The following MYO16 variants were observed in gnomAD, a reference collection of about 807,000 sequenced individuals.
MYO16 encodes the protein myosin XVI.
Under a neutral mutation model 205.3 loss-of-function variants are expected in MYO16, and 94 were observed. The observed-to-expected ratio is 0.46, with a 90% confidence interval of 0.39 to 0.54. The LOEUF (loss-of-function observed/expected upper bound fraction) is 0.54, where lower values mean the gene tolerates loss of function less well. MYO16 is among the 20% of genes least tolerant of loss of function. MYO16 has a pLI of 0.00. For missense variants in MYO16, 2,315 were observed against 2,387.5 expected (o/e 0.97, Z 0.63); for synonymous variants, 988 against 954.0 (o/e 1.04, Z -0.66).
chr13:108,523,898 G>C, the MYO16 span, among the ~76,000 whole-genome samples: 1 of 152,240 alleles, frequency 6.6e-6, no homozygotes, highest in Non-Finnish European at 1.5e-5. Flanking sequence ...CCTGTTGGGA[G>C]GTAGATTGGA....
At chr13:108,782,801 G>A (rs965799956) in intron 4 of MYO16, among the ~76,000 whole-genome samples, 3 of 152,206 alleles carry the variant, frequency 2.0e-5, no homozygotes, top group Non-Finnish European at 2.9e-5. Flanking sequence ...TTCAGAGGGT[G>A]GAAGCCCCAA....
At chr13:109,063,887 C>T (rs1887663807) in intron 27 of MYO16, among the ~76,000 whole-genome samples, 1 of 152,066 alleles carries the variant, frequency 6.6e-6, no homozygotes, top group Non-Finnish European at 1.5e-5. Context: ...ACCTTGTTTC[C>T]TTCACTGCTA....
At chr13:108,979,949 G>A (rs115304038) in intron 20 of MYO16, among the ~76,000 whole-genome samples, 1,932 of 152,016 alleles carry the variant, frequency 0.013, 33 homozygotes, top group African/African-American at 0.044. Flanking sequence ...ACAAAATAGT[G>A]GTTAAATTTA....
chr13:108,531,071 G>A, the MYO16 span, among the ~76,000 whole-genome samples: 1 of 152,144 alleles, frequency 6.6e-6, no homozygotes, highest in East Asian at 1.9e-4. Context: ...AGAGAGAATA[G>A]CATTTGTGCA....
intron 28 of MYO16, among the ~76,000 whole-genome samples, chr13:109,120,080 T>C (rs978954432): frequency 2.0e-5 from 3 of 152,226 alleles, no homozygotes. Context: ...ATCTTCTGAC[T>C]GATAGTCAAG....
chr13:108,898,220 G>A, intron 15 of MYO16, 87 bp downstream of exon 15: 3 of 956,828 alleles, frequency 3.1e-6, no homozygotes, highest in African/African-American at 1.6e-5. Context: ...GACACACTGT[G>A]TATGAATCAA....
chr13:108,604,123 C>T (rs2139304639), intron 1 of MYO16, among the ~76,000 whole-genome samples: 1 of 152,230 alleles, frequency 6.6e-6, no homozygotes, highest in South Asian at 2.1e-4. Context: ...AGAACTCACT[C>T]ACTCTCACAA....
At chr13:108,986,914 C>T (rs1462586976) in intron 20 of MYO16, among the ~76,000 whole-genome samples, 1 of 152,102 alleles carries the variant, frequency 6.6e-6, no homozygotes, top group Non-Finnish European at 1.5e-5. Flanking sequence ...AGTTCAAATG[C>T]TTGGTCTATC....
chr13:108,959,231 GT>G (rs1883492879), intron 17 of MYO16, among the ~76,000 whole-genome samples: 1 of 4,270 alleles, frequency 2.3e-4, no homozygotes, highest in South Asian at 0.012. Flanking sequence ...TTCTCCTTTA[GT>G]TTTTCTCCTT....
At chr13:108,969,575 A>G (rs887089611) in intron 20 of MYO16, among the ~76,000 whole-genome samples, 1 of 152,180 alleles carries the variant, frequency 6.6e-6, no homozygotes, top group African/African-American at 2.4e-5. Flanking sequence ...CTCCCCAAGG[A>G]GGCATCACCT....
At chr13:108,877,738 C>T (rs1879392605) in intron 12 of MYO16, among the ~76,000 whole-genome samples, 1 of 152,166 alleles carries the variant, frequency 6.6e-6, no homozygotes, top group Admixed American at 6.5e-5. Context: ...TAAATTGCTG[C>T]TGATCTATTG....
intron 7 of MYO16, among the ~76,000 whole-genome samples, chr13:108,818,863 A>G (rs1875787720): frequency 6.6e-6 from 1 of 152,204 alleles, no homozygotes; most frequent in Non-Finnish European, 1.5e-5. Context: ...AAAGAAATCC[A>G]GGAGAAGCCT....
intron 4 of MYO16, among the ~76,000 whole-genome samples, chr13:108,772,869 TA>T (rs1222214592): frequency 6.6e-6 from 1 of 151,966 alleles, no homozygotes; most frequent in Non-Finnish European, 1.5e-5. Flanking sequence ...TGAACAAAAA[TA>T]GGGGAAAATA....
At chr13:108,933,077 T>C (rs901963265) in intron 16 of MYO16, among the ~76,000 whole-genome samples, 16 of 151,960 alleles carry the variant, frequency 1.1e-4, no homozygotes, top group African/African-American at 3.9e-4. Context: ...TGATGAATTT[T>C]CAGAATGAGA....
chr13:108,881,484 TAAC>T (rs1384037704), intron 12 of MYO16, among the ~76,000 whole-genome samples: 1 of 152,142 alleles, frequency 6.6e-6, no homozygotes, highest in Non-Finnish European at 1.5e-5. Flanking sequence ...TGATAGGTAA[TAAC>T]AAACTTCTCC....
At chr13:109,195,267 C>G (rs1880105165) in intron 34 of MYO16, among the ~76,000 whole-genome samples, 1 of 151,990 alleles carries the variant, frequency 6.6e-6, no homozygotes, top group Admixed American at 6.6e-5. Context: ...GATATTTTCC[C>G]CTTTGTTTAA....
At chr13:109,108,830 G>A (rs1487859184) in intron 28 of MYO16, among the ~76,000 whole-genome samples, 1 of 152,132 alleles carries the variant, frequency 6.6e-6, no homozygotes, top group Non-Finnish European at 1.5e-5. Flanking sequence ...GGACCAAGGG[G>A]CCCAGGGTGA....
chr13:109,042,468 AAT>A (rs1354139653), intron 23 of MYO16, among the ~76,000 whole-genome samples: 2 of 152,208 alleles, frequency 1.3e-5, no homozygotes, highest in Non-Finnish European at 2.9e-5. Context: ...TCCCGGAGGG[AAT>A]ACTTGATTCC....
chr13:108,812,875 C>T (rs1351824401), intron 7 of MYO16, among the ~76,000 whole-genome samples: 2 of 152,096 alleles, frequency 1.3e-5, no homozygotes, highest in African/African-American at 4.8e-5. Context: ...GAGGGTGCAA[C>T]ATTTAATGGG....
Sources: allele counts gnomAD v4.1 joint callset (sites outside exome capture counted in the v4.1 genomes callset), GRCh38; gene constraint gnomAD v4.1.1; transcripts MANE v1.5; gene names NCBI Gene and HGNC (gene_info 2026-07-23, HGNC 2026-07-21).